ELF1: variants seen among roughly 807,000 people sequenced by gnomAD.
ELF1 encodes E74 like ETS transcription factor 1.
A neutral mutation model predicts 59.9 loss-of-function variants in ELF1; 24 were observed. That is an observed-to-expected ratio of 0.40 (90% CI 0.29 to 0.56). The LOEUF (loss-of-function observed/expected upper bound fraction) is 0.56, where lower values mean the gene tolerates loss of function less well. Among genes scored for constraint, ELF1 ranks in the 20% least tolerant of loss-of-function variants. The pLI is 0.44. For synonymous variants in ELF1, 248 were observed against 266.2 expected, an observed-to-expected ratio of 0.93 and a Z score of 0.67; for missense variants, 627 against 742.2, an observed-to-expected ratio of 0.84 and a Z score of 1.80.
chr13:41,031,479 T>C (rs1371505461), intron 1 of ELF1, among the ~76,000 whole-genome samples: 1 of 152,132 alleles, frequency 6.6e-6, no homozygotes, highest in Non-Finnish European at 1.5e-5. Context: ...CTCAGAATAG[T>C]ATCTACAGAA....
chr13:40,945,991 G>A (rs1052223219), intron 5 of ELF1, among the ~76,000 whole-genome samples: 2 of 151,946 alleles, frequency 1.3e-5, no homozygotes, highest in South Asian at 2.1e-4. Context: ...TTACAGGCAC[G>A]TACCACCATG....
intron 1 of ELF1, among the ~76,000 whole-genome samples, chr13:41,030,472 G>A (rs573035328): frequency 1.3e-5 from 2 of 152,266 alleles, no homozygotes; most frequent in African/African-American, 2.4e-5. Context: ...GTCAGGTGTG[G>A]TGGCTCACAT....
At chr13:41,046,526 T>C (rs1876855340) in intron 1 of ELF1, among the ~76,000 whole-genome samples, 1 of 152,226 alleles carries the variant, frequency 6.6e-6, no homozygotes, top group South Asian at 2.1e-4. Flanking sequence ...AAGGATTTTA[T>C]TTCTCCTTCA....
intron 2 of ELF1, among the ~76,000 whole-genome samples, chr13:40,970,752 CATAG>C (rs1872487145): frequency 6.6e-6 from 1 of 151,980 alleles, no homozygotes; most frequent in East Asian, 1.9e-4. Flanking sequence ...ATAAATGTCA[CATAG>C]ATAAACATGT....
intron 1 of ELF1, among the ~76,000 whole-genome samples, chr13:40,994,570 G>C (rs1874036826): frequency 6.6e-6 from 1 of 152,198 alleles, no homozygotes; most frequent in Non-Finnish European, 1.5e-5. Flanking sequence ...TTGAACCCAG[G>C]AGGTGGAAAT....
chr13:41,024,933 C>T (rs914705742), intron 1 of ELF1, among the ~76,000 whole-genome samples: 1 of 152,170 alleles, frequency 6.6e-6, no homozygotes, highest in Non-Finnish European at 1.5e-5. Context: ...TTCTCTACCA[C>T]CAACTGCCTA....
chr13:41,001,178 T>C (rs1874415690), intron 1 of ELF1, among the ~76,000 whole-genome samples: 4 of 152,078 alleles, frequency 2.6e-5, no homozygotes, highest in South Asian at 4.1e-4. Flanking sequence ...GGTTTCACCA[T>C]GTTGGCCAGG....
chr13:40,940,597 C>CT (rs1870090938), intron 8 of ELF1, among the ~76,000 whole-genome samples: 1 of 152,064 alleles, frequency 6.6e-6, no homozygotes, highest in East Asian at 1.9e-4. Flanking sequence ...ATTTTTGAAG[C>CT]TTCTGACTTG....
chr13:41,050,106 G>A (rs1877025113), intron 1 of ELF1, among the ~76,000 whole-genome samples: 1 of 151,978 alleles, frequency 6.6e-6, no homozygotes. Flanking sequence ...TCACATTGTG[G>A]TGCAACAAAA....
At chr13:41,032,125 A>C (rs1876190114) in intron 1 of ELF1, among the ~76,000 whole-genome samples, 1 of 152,028 alleles carries the variant, frequency 6.6e-6, no homozygotes, top group African/African-American at 2.4e-5. Context: ...TGTCATTAGT[A>C]AAATTTAAAG....
At chr13:40,939,629 A>C (rs1488095572) in intron 8 of ELF1, among the ~76,000 whole-genome samples, 1 of 152,200 alleles carries the variant, frequency 6.6e-6, no homozygotes, top group Non-Finnish European at 1.5e-5. Context: ...GTAAGAGTTA[A>C]ATAAGCACCC....
intron 1 of ELF1, chr13:40,982,805 C>T (rs1354280912): frequency 4.5e-6 from 4 of 886,710 alleles, no homozygotes; most frequent in South Asian, 5.2e-5. Context: ...TTAAAGCCCA[C>T]TCTTTCTGTT....
intron 1 of ELF1, among the ~76,000 whole-genome samples, chr13:41,010,548 G>A (rs749487456): frequency 2.1e-5 from 3 of 145,484 alleles, no homozygotes; most frequent in Admixed American, 7.4e-5. Flanking sequence ...GTAGCACATC[G>A]AAAACTAATC....
chr13:41,014,560 A>G (rs1201095328), intron 1 of ELF1, among the ~76,000 whole-genome samples: 2 of 152,150 alleles, frequency 1.3e-5, no homozygotes, highest in African/African-American at 4.8e-5. Context: ...AGCTCATTTG[A>G]CAAGACACAA....
chr13:41,046,609 G>A (rs1398151861), intron 1 of ELF1, among the ~76,000 whole-genome samples: 2 of 152,012 alleles, frequency 1.3e-5, no homozygotes, highest in African/African-American at 4.8e-5. Context: ...GTTGAATATC[G>A]GCCCCCACTC....
At chr13:40,979,826 G>A (rs1873153861) in intron 2 of ELF1, among the ~76,000 whole-genome samples, 1 of 152,024 alleles carries the variant, frequency 6.6e-6, no homozygotes, top group African/African-American at 2.4e-5. Context: ...GTTTCTTCTG[G>A]GAAGGAAAAC....
intron 1 of ELF1, among the ~76,000 whole-genome samples, chr13:41,048,212 C>T (rs964638888): frequency 1.3e-5 from 2 of 152,230 alleles, no homozygotes; most frequent in Non-Finnish European, 2.9e-5. Flanking sequence ...ATTCCCTGAC[C>T]CCTTGCGCTT....
chr13:40,980,059 G>A (rs905859830), intron 2 of ELF1, among the ~76,000 whole-genome samples: 1 of 152,166 alleles, frequency 6.6e-6, no homozygotes, highest in African/African-American at 2.4e-5. Flanking sequence ...CATTTGCTAT[G>A]CTGATGGCCA....
At position 40,932,406 on chromosome 13, in the gene ELF1, T is replaced by A. The variant is rs1352116240; in HGVS notation, c.*1019A>T. 1 of 147,150 alleles carries A rather than the reference T, an allele frequency of 6.8e-6. No homozygotes were observed. Among genetic ancestry groups the A allele is most frequent in the East Asian group, 2.1e-4 (1 of 4,788 alleles). 9.1% of individuals were successfully genotyped at this position (147,150 alleles called of 1,614,324 possible). ...TTTATAACTGACTACTCAGCCAGAT[T>A]AGCCCAAGGCTCAAGTTGCTTTCTT... On this transcript the variant is annotated 3_prime_UTR_variant, in exon 9 of 9. Coordinates refer to ENST00000239882, the MANE Select transcript of ELF1 (RefSeq NM_172373.4).
Sources: allele counts gnomAD v4.1 joint callset (sites outside exome capture counted in the v4.1 genomes callset), GRCh38; gene constraint gnomAD v4.1.1; transcripts MANE v1.5; gene names NCBI Gene and HGNC (gene_info 2026-07-23, HGNC 2026-07-21).